NIPA1: variants seen among roughly 807,000 people sequenced by gnomAD.
NIPA1 encodes magnesium transporter NIPA1.
Under a neutral mutation model 23.9 loss-of-function variants are expected in NIPA1, and 13 were observed. The observed-to-expected ratio is 0.54, with a 90% confidence interval of 0.35 to 0.87. The LOEUF is 0.87. Ranked by LOEUF, NIPA1 falls within the 40% of genes least tolerant of loss-of-function variation. The pLI is 0.01. For synonymous variants in NIPA1, 234 were observed against 202.9 expected (o/e 1.15, Z -1.30); for missense variants, 362 against 429.7 (o/e 0.84, Z 1.39).
Position 22,827,991 on chromosome 15 carries a change from T to G in NIPA1, c.*3752T>G, listed in dbSNP as rs1895684949. On this transcript the variant is annotated 3_prime_UTR_variant, in exon 5 of 5. Coordinates refer to ENST00000337435, the MANE Select transcript of NIPA1 (RefSeq NM_144599.5). ...CGTTGTGCCGCTTCGACCTGACACCTGCTCGATGCTGACTTAGGCTTCCTG... is the reference window on the plus strand; with the variant it reads ...CGTTGTGCCGCTTCGACCTGACACCGGCTCGATGCTGACTTAGGCTTCCTG... The G allele has an allele frequency of 6.6e-6, 1 of 152,248 alleles. No homozygotes were observed. The highest frequency in any genetic ancestry group is 6.5e-5 in the Admixed American group (1 of 15,276). The allele number at this position is 152,248 out of a possible 1,614,324, so 9.4% of individuals were successfully genotyped here. A position where few individuals can be genotyped will look rare whatever the true frequency, so the allele number is the denominator to read the frequency against.
chr15:22,823,150 ATCGGCCCACC>A (rs1345328174), intron 4 of NIPA1, among the ~76,000 whole-genome samples: 1 of 149,424 alleles, frequency 6.7e-6, no homozygotes, highest in Non-Finnish European at 1.5e-5. Context: ...TGATCTCCTG[ATCGGCCCACC>A]TCGGCCTCCC....
At chr15:22,822,982 G>C (rs1437135638) in intron 4 of NIPA1, among the ~76,000 whole-genome samples, 1 of 120,020 alleles carries the variant, frequency 8.3e-6, no homozygotes, top group African/African-American at 3.3e-5. Flanking sequence ...GCAGTGGTGT[G>C]ATCTCGGCTC....
In NIPA1 at chr15:22,826,747, TG is replaced by T. The variant is rs1016966082; in HGVS notation, c.*2511del. ...TTCTACCCTTGAAGGTGACTGGTCC[TG>T]GGACAGTTAGAATCTTTCAGGTTTA... On this transcript the variant is annotated 3_prime_UTR_variant, in exon 5 of 5. Transcript: ENST00000337435. 1.3e-5 allele frequency: 2 copies of T among 152,290 alleles called. No individual in the cohort carries two copies. The highest frequency in any genetic ancestry group is 2.9e-5 in the Non-Finnish European group (2 of 68,010). The allele number at this position is 152,290 out of a possible 1,614,324, so 9.4% of individuals were successfully genotyped here. A position where few individuals can be genotyped will look rare whatever the true frequency, so the allele number is the denominator to read the frequency against.
At chr15:22,813,545 G>A (rs1237313454) in intron 3 of NIPA1, 2 of 433,566 alleles carry the variant, frequency 4.6e-6, no homozygotes, top group Admixed American at 2.6e-5. Context: ...TGTCTTTGAA[G>A]AAATCATTAG....
Position 22,827,093 on chromosome 15 carries a change from A to T in NIPA1, c.*2854A>T, listed in dbSNP as rs948451570. 1 of 152,110 alleles carries T rather than the reference A, an allele frequency of 6.6e-6. No individual in the cohort carries two copies. The highest frequency in any genetic ancestry group is 2.4e-5 in the African/African-American group (1 of 41,412). The allele number at this position is 152,110 out of a possible 1,614,324, so 9.4% of individuals were successfully genotyped here. A position where few individuals can be genotyped will look rare whatever the true frequency, so the allele number is the denominator to read the frequency against. ...TACATGTACTTGAAATATTTTCATTATCATACTATTCTTTGAAAAAAAAGA... is the reference window on the plus strand; with the variant it reads ...TACATGTACTTGAAATATTTTCATTTTCATACTATTCTTTGAAAAAAAAGA... On this transcript the variant is annotated 3_prime_UTR_variant, in exon 5 of 5. Coordinates refer to ENST00000337435, the MANE Select transcript of NIPA1 (RefSeq NM_144599.5).
intron 3 of NIPA1, among the ~76,000 whole-genome samples, chr15:22,817,643 GA>G (rs1440929186): frequency 6.6e-6 from 1 of 150,910 alleles, no homozygotes; most frequent in Non-Finnish European, 1.5e-5. Context: ...TCTACTAAAA[GA>G]AATACAAAAA....
intron 1 of NIPA1, among the ~76,000 whole-genome samples, chr15:22,802,666 AATTG>A (rs1054376590): frequency 5.9e-5 from 9 of 152,110 alleles, no homozygotes; most frequent in African/African-American, 9.7e-5. Flanking sequence ...CCAGTGAAGA[AATTG>A]ATTGTTGCTG....
intron 3 of NIPA1, among the ~76,000 whole-genome samples, chr15:22,812,923 T>C (rs573131110): frequency 1.3e-5 from 2 of 152,282 alleles, no homozygotes; most frequent in South Asian, 2.1e-4. Flanking sequence ...TGGTGTTTTA[T>C]TGGGGTGCTT....
At chr15:22,801,469 A>C (rs56321416) in intron 1 of NIPA1, among the ~76,000 whole-genome samples, 1 of 148,396 alleles carries the variant, frequency 6.7e-6, no homozygotes, top group Non-Finnish European at 1.5e-5. Context: ...GCAGAGAGGA[A>C]GAGGGTGCTC....
intron 4 of NIPA1, among the ~76,000 whole-genome samples, chr15:22,821,092 A>G (rs1193933655): frequency 2.0e-5 from 3 of 150,796 alleles, no homozygotes; most frequent in African/African-American, 7.3e-5. Context: ...CCTCCTGAGT[A>G]GCCGGGGACT....
chr15:22,789,262 T>TA (rs1292232795), intron 1 of NIPA1, among the ~76,000 whole-genome samples: 1 of 152,172 alleles, frequency 6.6e-6, no homozygotes, highest in Admixed American at 6.5e-5. Context: ...ATGCTGGGAT[T>TA]ACAGGCGTGA....
At position 22,824,111 on chromosome 15, in the gene NIPA1, C is replaced by T. The variant is rs1566789311; in HGVS notation, c.862C>T (p.Leu288=). The part of the protein sequence containing the change: ...ILFREWSNVG[L]VDFLGMACGF... ...CTTCCGGGAGTGGAGCAACGTGGGC[C>T]TGGTGGACTTCTTGGGGATGGCCTG... The change falls in exon 5 of 5, where the codon CTG becomes TTG. Residue 288 remains leucine, a synonymous_variant. Transcript: ENST00000337435. The surrounding 1 kb of genome is among the most constrained non-coding windows in gnomAD (Gnocchi z 4.1). The T allele has an allele frequency of 2.5e-6, 4 of 1,614,130 alleles. No homozygotes were observed. Among genetic ancestry groups the T allele is most frequent in the Non-Finnish European group, 3.4e-6 (4 of 1,179,970 alleles).
At chr15:22,804,477 G>GT (rs1380243191) in intron 1 of NIPA1, among the ~76,000 whole-genome samples, 15 of 152,090 alleles carry the variant, frequency 9.9e-5, no homozygotes, top group Non-Finnish European at 2.9e-5. Context: ...TAATTTGTCT[G>GT]TTTTTTTCCT....
chr15:22,792,807 G>T (rs574976664), intron 1 of NIPA1, among the ~76,000 whole-genome samples: 1 of 152,052 alleles, frequency 6.6e-6, no homozygotes, highest in South Asian at 2.1e-4. Context: ...TACAGAAATT[G>T]TCCGGGTGTG....
Position 22,786,737 on chromosome 15 carries a change from C to T in NIPA1, c.81C>T (p.Ala27=). ...GGGCGCGTAGCCCGAGCCCCGCCGC[C>T]GTGTCGCTCGGCCTGGGCGTGGCCG... The part of the protein sequence containing the change: ...GEGARSPSPA[A]VSLGLGVAVV... The change falls in exon 1 of 5, where the codon GCC becomes GCT. Residue 27 remains alanine, a synonymous_variant. Transcript: ENST00000337435. The T allele has an allele frequency of 7.9e-7, 1 of 1,268,090 alleles. No individual in the cohort carries two copies. The highest frequency in any genetic ancestry group is 1.0e-6 in the Non-Finnish European group (1 of 987,620). 78.6% of individuals were successfully genotyped at this position (1,268,090 alleles called of 1,614,324 possible). A position where few individuals can be genotyped will look rare whatever the true frequency, so the allele number is the denominator to read the frequency against.
intron 1 of NIPA1, among the ~76,000 whole-genome samples, chr15:22,810,231 A>G (rs1159474791): frequency 6.6e-6 from 1 of 152,140 alleles, no homozygotes; most frequent in Non-Finnish European, 1.5e-5. Context: ...TCTCAGGTCA[A>G]ATGTCAGAGC....
At chr15:22,823,391 G>A (rs1246614915) in intron 4 of NIPA1, among the ~76,000 whole-genome samples, 3 of 151,642 alleles carry the variant, frequency 2.0e-5, no homozygotes, top group Non-Finnish European at 2.9e-5. Flanking sequence ...TAGTAGAGAC[G>A]GGGTTTCACC....
chr15:22,795,949 T>A (rs1051607894), intron 1 of NIPA1, among the ~76,000 whole-genome samples: 4 of 152,052 alleles, frequency 2.6e-5, no homozygotes, highest in African/African-American at 9.7e-5. Context: ...ATTTTTTTTT[T>A]AAGACAGGGT....
chr15:22,790,932 T>G (rs185707037), intron 1 of NIPA1, among the ~76,000 whole-genome samples: 1 of 152,282 alleles, frequency 6.6e-6, no homozygotes, highest in Admixed American at 6.5e-5. Context: ...TGACGTTCCT[T>G]ATGCTGGAAA....
Sources: allele counts gnomAD v4.1 joint callset (sites outside exome capture counted in the v4.1 genomes callset), GRCh38; gene constraint gnomAD v4.1.1; non-coding constraint Gnocchi (gnomAD v3.1); transcripts MANE v1.5; gene names NCBI Gene and HGNC (gene_info 2026-07-23, HGNC 2026-07-21).